The following RBPMS2 variants were observed in gnomAD, a reference collection of about 807,000 sequenced individuals.
RBPMS2 encodes RNA binding protein, mRNA processing factor 2, also known as RNA-binding protein with multiple splicing 2.
Under a neutral mutation model 25.7 loss-of-function variants are expected in RBPMS2, and 14 were observed. The ratio of observed to expected loss-of-function variants is 0.55; its 90% CI spans 0.36 to 0.85. RBPMS2 has a LOEUF of 0.85. RBPMS2 is among the 40% of genes least tolerant of loss of function. The pLI, the probability that RBPMS2 is intolerant of heterozygous loss-of-function variation, is 0.01. For missense variants in RBPMS2, 252 were observed against 283.4 expected (o/e 0.89, Z 0.80); for synonymous variants, 127 against 115.6 (o/e 1.10, Z -0.63).
At chr15:64,762,613 A>C in intron 1 of RBPMS2, 1 of 465,730 alleles carries the variant, frequency 2.1e-6, no homozygotes, top group Non-Finnish European at 4.3e-6. Flanking sequence ...CAAAAGACAA[A>C]GAACCTCAAA....
intron 1 of RBPMS2, among the ~76,000 whole-genome samples, chr15:64,770,932 G>A (rs1342548839): frequency 2.0e-5 from 3 of 152,136 alleles, no homozygotes; most frequent in Non-Finnish European, 4.4e-5. Flanking sequence ...AGGATACCAG[G>A]CCTGCAAGCA....
At chr15:64,742,539 C>G (rs1164207468) in intron 6 of RBPMS2, among the ~76,000 whole-genome samples, 1 of 152,246 alleles carries the variant, frequency 6.6e-6, no homozygotes, top group African/African-American at 2.4e-5. Context: ...GGCAAGTATG[C>G]TGACTGCCAA....
At chr15:64,754,213 G>A (rs1199968532) in intron 1 of RBPMS2, among the ~76,000 whole-genome samples, 1 of 152,176 alleles carries the variant, frequency 6.6e-6, no homozygotes, top group Non-Finnish European at 1.5e-5. Flanking sequence ...TTCGGAGGCT[G>A]AGGCAAGAGA....
intron 1 of RBPMS2, among the ~76,000 whole-genome samples, chr15:64,756,488 T>C (rs2083732277): frequency 6.8e-6 from 1 of 146,054 alleles, no homozygotes; most frequent in Non-Finnish European, 1.5e-5. Context: ...TTGCACTCCA[T>C]CCTGGGCAGG....
At chr15:64,754,547 G>GT (rs1305089957) in intron 1 of RBPMS2, among the ~76,000 whole-genome samples, 1 of 151,840 alleles carries the variant, frequency 6.6e-6, no homozygotes, top group Non-Finnish European at 1.5e-5. Context: ...GGAGGCAGAG[G>GT]TTGCAGTGAG....
chr15:64,767,156 G>C (rs1181950920), intron 1 of RBPMS2, among the ~76,000 whole-genome samples: 1 of 151,864 alleles, frequency 6.6e-6, no homozygotes, highest in Non-Finnish European at 1.5e-5. Context: ...CTCAAGTGCA[G>C]TGGTGGGATA....
intron 6 of RBPMS2, among the ~76,000 whole-genome samples, chr15:64,745,282 C>T (rs1041246382): frequency 6.6e-6 from 1 of 152,140 alleles, no homozygotes; most frequent in Non-Finnish European, 1.5e-5. Flanking sequence ...ACAAAAACTG[C>T]CTGTTTTTTT....
chr15:64,767,594 T>C (rs535370596), intron 1 of RBPMS2, among the ~76,000 whole-genome samples: 45 of 152,350 alleles, frequency 3.0e-4, no homozygotes, highest in African/African-American at 8.7e-4. Context: ...CCACCAGCCA[T>C]GGCTTCCTCT....
intron 3 of RBPMS2, among the ~76,000 whole-genome samples, chr15:64,749,826 G>A (rs2072596233): frequency 1.3e-5 from 2 of 152,280 alleles, no homozygotes; most frequent in South Asian, 4.1e-4. Flanking sequence ...GTAAGTCCCA[G>A]TGTTTTCCCC....
chr15:64,754,130 G>C (rs2083709463), intron 1 of RBPMS2, among the ~76,000 whole-genome samples: 1 of 151,998 alleles, frequency 6.6e-6, no homozygotes, highest in South Asian at 2.1e-4. Context: ...GGCCGACGTG[G>C]TAAAACCCCA....
At chr15:64,748,348 G>T in intron 6 of RBPMS2, 71 bp downstream of exon 6, 1 of 1,513,976 alleles carries the variant, frequency 6.6e-7, no homozygotes, top group Admixed American at 1.8e-5. Context: ...CGGCCAAGTG[G>T]CCAGGCACAT....
At chr15:64,750,658 G>T (rs1048490908) in intron 2 of RBPMS2, among the ~76,000 whole-genome samples, 3 of 152,218 alleles carry the variant, frequency 2.0e-5, no homozygotes, top group African/African-American at 7.2e-5. Flanking sequence ...CGAGAGCACA[G>T]ACCTTACCTT....
In RBPMS2 at chr15:64,756,818, TTTGG is replaced by T. The variant is rs1567067202; in HGVS notation, c.88-5184_88-5181del. Reference sequence around the variant, plus strand: ...ACCACGCCCAGCTCTTTTTTTTTTTTTTGGAGAGACAGGGTTTCACCACGTTGGC... The same window carrying T: ...ACCACGCCCAGCTCTTTTTTTTTTTTAGAGACAGGGTTTCACCACGTTGGC... On this transcript the variant is annotated intron_variant, in intron 1 of 7. Coordinates refer to ENST00000300069, the MANE Select transcript of RBPMS2 (RefSeq NM_194272.3). 1.3e-3 allele frequency among the ~76,000 whole-genome samples: 186 copies of T among 145,046 alleles called. 1 individual carries two copies. Among genetic ancestry groups the T allele is most frequent in the Middle Eastern group, 7.1e-3 (2 of 280 alleles).
chr15:64,766,695 T>TC (rs1485286650), intron 1 of RBPMS2, among the ~76,000 whole-genome samples: 4 of 151,900 alleles, frequency 2.6e-5, no homozygotes, highest in African/African-American at 9.7e-5. Flanking sequence ...CCGGCTAATT[T>TC]TTTTTTTGTA....
intron 1 of RBPMS2, among the ~76,000 whole-genome samples, chr15:64,770,187 G>C (rs28463977): frequency 1.4e-5 from 2 of 146,190 alleles, no homozygotes; most frequent in Non-Finnish European, 3.0e-5. Context: ...TCAAAAAAAA[G>C]AAAAAAAAAA....
intron 1 of RBPMS2, among the ~76,000 whole-genome samples, chr15:64,756,842 G>A (rs1385222528): frequency 6.8e-6 from 1 of 146,156 alleles, no homozygotes. Context: ...GTTTCACCAC[G>A]TTGGCCAGGC....
intron 1 of RBPMS2, among the ~76,000 whole-genome samples, chr15:64,752,354 G>C (rs780479169): frequency 4.6e-5 from 7 of 152,112 alleles, no homozygotes; most frequent in Non-Finnish European, 1.0e-4. Context: ...AAAGGAAACA[G>C]AGTCCCATGC....
rs115490825 is a variant in RBPMS2 at position 64,756,864 on chromosome 15, C to T, written c.88-5226G>A. Among the ~76,000 whole-genome samples the T allele has an allele frequency of 4.0e-3, 598 of 150,746 alleles. 6 individuals are homozygous for T. Among genetic ancestry groups the T allele is most frequent in the African/African-American group, 0.014 (570 of 41,132 alleles). On this transcript the variant is annotated intron_variant, in intron 1 of 7. Transcript: ENST00000300069. ...CACGTTGGCCAGGCTGGTCTCCTCA[C>T]CTCAAGGAGTTCCTTGAGGTCAGGA...
intron 1 of RBPMS2, among the ~76,000 whole-genome samples, chr15:64,761,458 AGT>A (rs1402992916): frequency 2.6e-5 from 4 of 152,210 alleles, no homozygotes; most frequent in African/African-American, 9.7e-5. Context: ...CCAGCTCACG[AGT>A]CAATGCTCTT....
Sources: allele counts gnomAD v4.1 joint callset (sites outside exome capture counted in the v4.1 genomes callset), GRCh38; gene constraint gnomAD v4.1.1; transcripts MANE v1.5; gene names NCBI Gene and HGNC (gene_info 2026-07-23, HGNC 2026-07-21).